DHRSX: variants seen among roughly 807,000 people sequenced by gnomAD.
DHRSX encodes dehydrogenase/reductase X-linked, also known as polyprenol dehydrogenase.
DHRSX carries 31 observed loss-of-function variants against 34.0 expected under a neutral mutation model. The ratio of observed to expected loss-of-function variants is 0.91; its 90% CI spans 0.69 to 1.23. The LOEUF is 1.23. Ranked by LOEUF, DHRSX falls within the 50% of genes most tolerant of loss-of-function variation. The pLI is 0.00. For synonymous variants in DHRSX, 201 were observed against 183.8 expected, an observed-to-expected ratio of 1.09 and a Z score of -0.76; for missense variants, 414 against 428.1, an observed-to-expected ratio of 0.97 and a Z score of 0.29.
At chrX:2,246,679 A>G (rs1323458867) in intron 5 of DHRSX, among the ~76,000 whole-genome samples, 1 of 147,124 alleles carries the variant, frequency 6.8e-6, no homozygotes, top group African/African-American at 2.5e-5. Context: ...GAAAAGAAAG[A>G]AAGAAAAAGA....
At chrX:2,239,399 T>A in intron 6 of DHRSX, among the ~76,000 whole-genome samples, 1 of 123,038 alleles carries the variant, frequency 8.1e-6, no homozygotes, top group African/African-American at 2.9e-5. Context: ...CAAGATGCCG[T>A]TTCTACAAAA....
At chrX:2,366,111 C>T (rs1489706690) in intron 3 of DHRSX, among the ~76,000 whole-genome samples, 2 of 152,076 alleles carry the variant, frequency 1.3e-5, no homozygotes, top group African/African-American at 4.8e-5. Flanking sequence ...CTGCTCATAC[C>T]CCTACGACGG....
intron 3 of DHRSX, among the ~76,000 whole-genome samples, chrX:2,369,488 GTTTTT>G (rs67165330): frequency 0.033 from 5,026 of 150,940 alleles, 150 homozygotes; most frequent in East Asian, 0.14. Flanking sequence ...TTTAGTTTTT[GTTTTT>G]TTTTGTTTGT....
At chrX:2,229,911 G>A (rs994002003) in intron 6 of DHRSX, among the ~76,000 whole-genome samples, 4 of 152,146 alleles carry the variant, frequency 2.6e-5, no homozygotes, top group Admixed American at 6.5e-5. Flanking sequence ...GTACATGTAC[G>A]TACATGCATG....
At chrX:2,396,520 G>T (rs1393444736) in intron 3 of DHRSX, among the ~76,000 whole-genome samples, 16 of 151,552 alleles carry the variant, frequency 1.1e-4, no homozygotes, top group Non-Finnish European at 1.6e-4. Context: ...TGGGATGACA[G>T]GCTCCCGCCA....
chrX:2,406,600 T>A (rs2043558506), intron 3 of DHRSX, among the ~76,000 whole-genome samples: 1 of 151,802 alleles, frequency 6.6e-6, no homozygotes, highest in Non-Finnish European at 1.5e-5. Flanking sequence ...GCCACCACGC[T>A]CGGCTAATTT....
chrX:2,477,221 C>T (rs967964040), intron 1 of DHRSX, among the ~76,000 whole-genome samples: 7 of 152,116 alleles, frequency 4.6e-5, no homozygotes, highest in Non-Finnish European at 1.0e-4. Context: ...CACCTGGCTC[C>T]GTCACTGATC....
In DHRSX at chrX:2,460,159, G is replaced by A. The variant is rs749422730; in HGVS notation, c.110-34855C>T. Among the ~76,000 whole-genome samples, 15 of 152,216 alleles carry A rather than the reference G, an allele frequency of 9.9e-5. 1 individual carries two copies. The South Asian group carries it at 2.5e-3, about 25-fold the overall frequency. ...ATCCACACTGCAGCGTGGACCAGAA[G>A]AGATGACCTTCCAGTGAGCACACGA... is the stretch of plus-strand genomic sequence containing the variant. On this transcript the variant is annotated intron_variant, in intron 1 of 6. Transcript: ENST00000334651.
chrX:2,446,824 C>A (rs1296277001), intron 1 of DHRSX, among the ~76,000 whole-genome samples: 2 of 151,650 alleles, frequency 1.3e-5, no homozygotes, highest in Non-Finnish European at 2.9e-5. Flanking sequence ...CCTAAGAAAG[C>A]AGCCAAGGGA....
chrX:2,402,225 G>A (rs971723096), intron 3 of DHRSX, among the ~76,000 whole-genome samples: 1 of 152,236 alleles, frequency 6.6e-6, no homozygotes, highest in Non-Finnish European at 1.5e-5. Flanking sequence ...GGGGTTACCC[G>A]ATGCCGGGAT....
At chrX:2,446,936 C>T (rs774815854) in intron 1 of DHRSX, among the ~76,000 whole-genome samples, 5 of 151,964 alleles carry the variant, frequency 3.3e-5, no homozygotes, top group East Asian at 1.9e-4. Flanking sequence ...CCGCCATGTA[C>T]GCACTGAAGC....
At chrX:2,430,771 G>A (rs1034017812) in intron 1 of DHRSX, among the ~76,000 whole-genome samples, 11 of 152,006 alleles carry the variant, frequency 7.2e-5, no homozygotes, top group African/African-American at 1.7e-4. Flanking sequence ...CCAGCACTTT[G>A]GGAAGCCAAG....
At chrX:2,318,452 A>C (rs1485243293) in intron 3 of DHRSX, among the ~76,000 whole-genome samples, 1 of 152,182 alleles carries the variant, frequency 6.6e-6, no homozygotes, top group Non-Finnish European at 1.5e-5. Context: ...CTTGTTGATA[A>C]AACAGGTTGT....
intron 3 of DHRSX, among the ~76,000 whole-genome samples, chrX:2,371,540 C>T (rs2043067915): frequency 1.3e-5 from 1 of 77,226 alleles, no homozygotes; most frequent in East Asian, 2.1e-4. Context: ...TACCATAGTC[C>T]GTCCTTCTGT....
At chrX:2,345,613 G>A (rs1465257258) in intron 3 of DHRSX, among the ~76,000 whole-genome samples, 6 of 147,412 alleles carry the variant, frequency 4.1e-5, no homozygotes, top group South Asian at 4.4e-4. Context: ...CACCGAGATC[G>A]CATCGTACCC....
chrX:2,268,522 T>C (rs73628269), intron 4 of DHRSX, among the ~76,000 whole-genome samples: 7,849 of 152,334 alleles, frequency 0.052, 730 homozygotes, highest in African/African-American at 0.18. Flanking sequence ...AATTCAAAGA[T>C]ATATGCCTAT....
chrX:2,360,952 G>A (rs1156502261), intron 3 of DHRSX, among the ~76,000 whole-genome samples: 1 of 152,152 alleles, frequency 6.6e-6, no homozygotes, highest in African/African-American at 2.4e-5. Flanking sequence ...GGAATTTGGG[G>A]AATGAGGAAA....
At chrX:2,269,962 C>T (rs146745527) in intron 4 of DHRSX, among the ~76,000 whole-genome samples, 24 of 152,078 alleles carry the variant, frequency 1.6e-4, no homozygotes, top group African/African-American at 5.1e-4. Context: ...CATTTGTACA[C>T]GTGCTTGTGT....
chrX:2,224,636 G>A (rs2015596022), intron 6 of DHRSX, among the ~76,000 whole-genome samples: 2 of 151,882 alleles, frequency 1.3e-5, no homozygotes, highest in South Asian at 4.2e-4. Context: ...ATGTGCGCAT[G>A]GTCACTTACA....
Sources: gnomAD v4.1 joint callset for allele counts (sites outside exome capture counted in the v4.1 genomes callset) on GRCh38, gnomAD v4.1.1 for gene constraint, MANE v1.5 for transcripts, NCBI Gene and HGNC (gene_info 2026-07-23, HGNC 2026-07-21) for gene names.